Variants in CADM2 observed in about 807,000 individuals in gnomAD.
The protein encoded by CADM2 is cell adhesion molecule 2.
In CADM2, 12 loss-of-function variants were observed where a neutral mutation model predicts 49.8. The observed-to-expected ratio is 0.24, with a 90% CI of 0.15 to 0.39. The LOEUF (loss-of-function observed/expected upper bound fraction) is 0.39. CADM2 is among the 10% of genes least tolerant of loss of function. The pLI is 1.00. For missense variants in CADM2, 378 were observed against 492.3 expected (o/e 0.77, Z 2.20); for synonymous variants, 214 against 175.4 (o/e 1.22, Z -1.74).
chr3:85,079,175 TAGC>T, intron 1 of CADM2, among the ~76,000 whole-genome samples: 1 of 151,922 alleles, frequency 6.6e-6, no homozygotes, highest in South Asian at 2.1e-4. Context: ...TTCCATGAAA[TAGC>T]AGAAATTTAA....
intron 7 of CADM2, among the ~76,000 whole-genome samples, chr3:85,959,052 A>ATATAGC (rs1724461861): frequency 6.6e-6 from 1 of 150,844 alleles, no homozygotes; most frequent in Non-Finnish European, 1.5e-5. Flanking sequence ...CTATATATCT[A>ATATAGC]TATATCTATA....
chr3:85,672,017 C>G (rs746263304), intron 1 of CADM2, among the ~76,000 whole-genome samples: 15 of 151,988 alleles, frequency 9.9e-5, no homozygotes, highest in Non-Finnish European at 1.5e-4. Flanking sequence ...TAAGGTCCTA[C>G]TATAGTATCT....
intron 1 of CADM2, among the ~76,000 whole-genome samples, chr3:85,083,160 C>T (rs2037234743): frequency 1.3e-5 from 2 of 152,112 alleles, no homozygotes; most frequent in African/African-American, 4.8e-5. Flanking sequence ...ACACATCATA[C>T]ATATATCATG....
chr3:85,654,379 T>C (rs1010713283), intron 1 of CADM2, among the ~76,000 whole-genome samples: 5 of 152,070 alleles, frequency 3.3e-5, no homozygotes, highest in African/African-American at 7.2e-5. Context: ...ACACAAGGCT[T>C]AGGAAAAAGT....
chr3:85,627,500 G>T (rs73845605), intron 1 of CADM2, among the ~76,000 whole-genome samples: 1,719 of 152,038 alleles, frequency 0.011, 35 homozygotes, highest in African/African-American at 0.039. Flanking sequence ...ATTTATATAA[G>T]GAAATTTGAA....
At chr3:85,749,986 C>T (rs1026263034) in intron 2 of CADM2, among the ~76,000 whole-genome samples, 3 of 151,844 alleles carry the variant, frequency 2.0e-5, no homozygotes, top group Admixed American at 6.6e-5. Flanking sequence ...GTAATGATCA[C>T]GTGTATGGTC....
intron 1 of CADM2, among the ~76,000 whole-genome samples, chr3:85,176,171 T>C (rs2040780783): frequency 1.3e-5 from 2 of 152,132 alleles, no homozygotes; most frequent in African/African-American, 4.8e-5. Flanking sequence ...TAATGGGTTT[T>C]GAAAGGTTGC....
Position 85,900,808 on chromosome 3 carries a change from A to T in CADM2, c.530-11565A>T, listed in dbSNP as rs557240067. Among the ~76,000 whole-genome samples the T allele has an allele frequency of 3.3e-5, 5 of 152,260 alleles. No individual in the cohort carries two copies. The East Asian group carries it at 9.7e-4, about 29-fold the overall frequency. ...ATTTTCTTCAGGTTATTTCCAAAAA[A>T]TATTTTATGGCTTCTTCATATGTGA... On this transcript the variant is annotated intron_variant, in intron 5 of 9. Transcript: ENST00000383699.
intron 1 of CADM2, among the ~76,000 whole-genome samples, chr3:85,459,010 G>T (rs184314493): frequency 5.9e-4 from 90 of 152,216 alleles, no homozygotes; most frequent in African/African-American, 2.0e-3. Flanking sequence ...TTTACTTATA[G>T]AAAATTGAGC....
Position 85,103,816 on chromosome 3 carries a change from T to C in CADM2, c.61+144148T>C, listed in dbSNP as rs140751324. On this transcript the variant is annotated intron_variant, in intron 1 of 9. Transcript: ENST00000383699. ...TGAATTAGATTGGTGGAAATTCAGA[T>C]TGGGGAAGAACAGTTTTGACCACAT... 1.4e-4 allele frequency among the ~76,000 whole-genome samples: 22 copies of C among 152,212 alleles called. No homozygotes were observed. The East Asian group carries it at 2.7e-3, about 19-fold the overall frequency.
At chr3:85,383,956 G>A (rs1224678939) in intron 1 of CADM2, among the ~76,000 whole-genome samples, 2 of 152,042 alleles carry the variant, frequency 1.3e-5, no homozygotes, top group South Asian at 4.1e-4. Flanking sequence ...TCTCTGAAAA[G>A]ACTAATAAAT....
chr3:85,661,398 T>C (rs1234415761), intron 1 of CADM2, among the ~76,000 whole-genome samples: 2 of 152,058 alleles, frequency 1.3e-5, no homozygotes, highest in African/African-American at 4.8e-5. Flanking sequence ...TTAAATTAAG[T>C]AGTTTTAAAT....
At chr3:85,636,254 A>G (rs778977997) in intron 1 of CADM2, among the ~76,000 whole-genome samples, 45 of 152,270 alleles carry the variant, frequency 3.0e-4, no homozygotes, top group East Asian at 9.7e-4. Flanking sequence ...GTGACAGACA[A>G]TGACACTGAT....
chr3:85,450,294 A>T (rs2037694646), intron 1 of CADM2, among the ~76,000 whole-genome samples: 1 of 152,188 alleles, frequency 6.6e-6, no homozygotes, highest in Admixed American at 6.6e-5. Flanking sequence ...GAAATAATAT[A>T]TCAGCATATC....
intron 1 of CADM2, among the ~76,000 whole-genome samples, chr3:85,349,060 C>G (rs2031070773): frequency 1.3e-5 from 2 of 151,890 alleles, no homozygotes; most frequent in African/African-American, 4.8e-5. Context: ...TCAGAGTTTC[C>G]CTGTATGGCC....
At chr3:85,011,966 T>C (rs1378982891) in intron 1 of CADM2, among the ~76,000 whole-genome samples, 1 of 152,110 alleles carries the variant, frequency 6.6e-6, no homozygotes, top group Non-Finnish European at 1.5e-5. Flanking sequence ...ATTTAGAATA[T>C]AGTTAAGTAA....
intron 1 of CADM2, among the ~76,000 whole-genome samples, chr3:85,159,649 A>G (rs1434860469): frequency 1.3e-5 from 2 of 152,198 alleles, no homozygotes; most frequent in East Asian, 3.8e-4. Context: ...TCTATGAGGA[A>G]GTGGGTCAGA....
chr3:85,051,030 A>G (rs1325770220), intron 1 of CADM2, among the ~76,000 whole-genome samples: 1 of 152,182 alleles, frequency 6.6e-6, no homozygotes, highest in African/African-American at 2.4e-5. Flanking sequence ...AAGGAAGAGC[A>G]AAAAAGGCTC....
At chr3:85,330,976 T>A (rs1044562901) in intron 1 of CADM2, among the ~76,000 whole-genome samples, 4 of 151,952 alleles carry the variant, frequency 2.6e-5, no homozygotes, top group African/African-American at 9.7e-5. Flanking sequence ...ATAATAACAA[T>A]CACTTTTTTA....
Sources: allele counts gnomAD v4.1 joint callset (sites outside exome capture counted in the v4.1 genomes callset), GRCh38; gene constraint gnomAD v4.1.1; transcripts MANE v1.5; gene names NCBI Gene and HGNC (gene_info 2026-07-23, HGNC 2026-07-21).